CCDC146: variants seen among roughly 807,000 people sequenced by gnomAD.
CCDC146 encodes the protein coiled-coil domain containing 146, also known as coiled-coil domain-containing protein 146.
CCDC146 carries 92 observed loss-of-function variants against 119.3 expected under a neutral mutation model. The observed-to-expected ratio is 0.77, with a 90% CI of 0.65 to 0.92. The LOEUF is 0.92. Among genes scored for constraint, CCDC146 ranks in the 40% least tolerant of loss-of-function variants. The probability of loss-of-function intolerance (pLI) is 0.00; values close to 1 mark genes in which losing one functional copy is unlikely to be tolerated. For synonymous variants in CCDC146, 372 were observed against 371.8 expected (o/e 1.00, Z -0.01); for missense variants, 1,000 against 1,103.0 (o/e 0.91, Z 1.32).
intron 4 of CCDC146, among the ~76,000 whole-genome samples, chr7:77,242,675 G>A (rs1792872287): frequency 6.6e-6 from 1 of 152,278 alleles, no homozygotes; most frequent in Non-Finnish European, 1.5e-5. Flanking sequence ...CCTGGGTACA[G>A]GAGAGAAAGC....
intron 2 of CCDC146, among the ~76,000 whole-genome samples, chr7:77,170,817 G>T (rs528510224): frequency 6.6e-6 from 1 of 152,274 alleles, no homozygotes; most frequent in African/African-American, 2.4e-5. Flanking sequence ...AGGAAAAAGT[G>T]CTCAGCATCA....
intron 15 of CCDC146, among the ~76,000 whole-genome samples, chr7:77,285,597 G>A (rs1411151101): frequency 6.6e-6 from 1 of 152,108 alleles, no homozygotes. Flanking sequence ...TGACAAGTGA[G>A]GAAACTAAGG....
intron 9 of CCDC146, among the ~76,000 whole-genome samples, chr7:77,266,382 T>C (rs563923654): frequency 6.6e-6 from 1 of 152,336 alleles, no homozygotes; most frequent in Admixed American, 6.5e-5. Flanking sequence ...GAGAAGAGCT[T>C]CACCTTTGAG....
intron 2 of CCDC146, among the ~76,000 whole-genome samples, chr7:77,214,399 TTGTC>T (rs545438224): frequency 2.2e-4 from 33 of 152,218 alleles, no homozygotes; most frequent in Non-Finnish European, 4.0e-4. Flanking sequence ...ATTCTGTAGA[TTGTC>T]TGTTTGCTCC....
chr7:77,224,659 A>G (rs1305406816), intron 2 of CCDC146, among the ~76,000 whole-genome samples: 1 of 152,206 alleles, frequency 6.6e-6, no homozygotes, highest in African/African-American at 2.4e-5. Flanking sequence ...CATGGGAGAT[A>G]GAGGGAGGAG....
intron 1 of CCDC146, among the ~76,000 whole-genome samples, chr7:77,161,280 T>C (rs914859472): frequency 2.6e-4 from 39 of 152,280 alleles, no homozygotes; most frequent in African/African-American, 9.1e-4. Flanking sequence ...AGCCATCCCA[T>C]TACTGGGTAT....
In CCDC146 at chr7:77,254,522, A is replaced by G. The variant is rs757452562; in HGVS notation, c.466A>G (p.Ile156Val). ...YRLNSLKEEKIIIVKEFEKIT... is the reference protein window; with the variant it reads ...YRLNSLKEEKVIIVKEFEKIT... Reference sequence around the variant, plus strand: ...TTTTTGCAGCTTAAAGGAAGAAAAAATCATCATAGTAAAAGAATTTGAGAA... The same window carrying G: ...TTTTTGCAGCTTAAAGGAAGAAAAAGTCATCATAGTAAAAGAATTTGAGAA... The change falls in exon 5 of 19, where the codon ATC becomes GTC. Residue 156 changes from isoleucine (I) to valine (V), a missense_variant. Transcript: ENST00000285871. 10 of 1,548,288 alleles carry G rather than the reference A, an allele frequency of 6.5e-6. No homozygotes were observed. Among genetic ancestry groups the G allele is most frequent in the Admixed American group, 3.4e-5 (2 of 58,242 alleles).
At chr7:77,257,531 C>T (rs1166204779) in intron 6 of CCDC146, among the ~76,000 whole-genome samples, 3 of 152,168 alleles carry the variant, frequency 2.0e-5, no homozygotes, top group African/African-American at 4.8e-5. Flanking sequence ...TCAGGCCCCT[C>T]ACTTGCATGA....
intron 1 of CCDC146, among the ~76,000 whole-genome samples, chr7:77,152,679 ACAC>A (rs1473238416): frequency 1.1e-4 from 16 of 152,194 alleles, no homozygotes; most frequent in African/African-American, 3.6e-4. Context: ...TAAGGCTCTC[ACAC>A]CAAAGCCTAA....
At chr7:77,275,893 A>G (rs1793624779) in intron 11 of CCDC146, among the ~76,000 whole-genome samples, 1 of 152,156 alleles carries the variant, frequency 6.6e-6, no homozygotes, top group Non-Finnish European at 1.5e-5. Context: ...TAAACAGGAT[A>G]TTACATATTA....
At chr7:77,198,853 A>G (rs1470283677) in intron 2 of CCDC146, 2 of 361,316 alleles carry the variant, frequency 5.5e-6, no homozygotes, top group African/African-American at 2.1e-5. Flanking sequence ...TATTGTTTTC[A>G]AACACCTCAT....
intron 2 of CCDC146, among the ~76,000 whole-genome samples, chr7:77,209,041 C>T (rs1198237974): frequency 1.3e-5 from 2 of 152,154 alleles, no homozygotes. Flanking sequence ...CCTCCCAAAT[C>T]TCATGTCTTT....
intron 2 of CCDC146, among the ~76,000 whole-genome samples, chr7:77,200,254 T>C (rs1275380739): frequency 6.6e-6 from 1 of 152,192 alleles, no homozygotes; most frequent in Non-Finnish European, 1.5e-5. Flanking sequence ...GAATGGGGCA[T>C]TGGGGAGCCT....
chr7:77,219,087 G>T (rs189287772), intron 2 of CCDC146, among the ~76,000 whole-genome samples: 64 of 152,178 alleles, frequency 4.2e-4, no homozygotes, highest in African/African-American at 1.5e-3. Flanking sequence ...TATAGAAATT[G>T]TTTATATATC....
At chr7:77,292,461 A>G (rs1793965053) in intron 17 of CCDC146, among the ~76,000 whole-genome samples, 1 of 151,232 alleles carries the variant, frequency 6.6e-6, no homozygotes, top group Non-Finnish European at 1.5e-5. Context: ...TAAAAATACA[A>G]AAAAAATTAG....
intron 1 of CCDC146, among the ~76,000 whole-genome samples, chr7:77,161,362 C>T (rs1006582468): frequency 6.6e-6 from 1 of 151,706 alleles, no homozygotes; most frequent in Admixed American, 6.6e-5. Context: ...GCATTATTCA[C>T]AATAACAAAG....
intron 9 of CCDC146, among the ~76,000 whole-genome samples, chr7:77,263,183 T>A (rs1227536100): frequency 6.6e-6 from 1 of 152,234 alleles, no homozygotes; most frequent in Non-Finnish European, 1.5e-5. Flanking sequence ...ATAGAAAGTT[T>A]ATACTTCCTT....
intron 2 of CCDC146, among the ~76,000 whole-genome samples, chr7:77,231,115 G>C (rs777893982): frequency 2.0e-5 from 3 of 152,098 alleles, no homozygotes; most frequent in Non-Finnish European, 4.4e-5. Flanking sequence ...TCATCCCTTT[G>C]TCCAGCATGT....
chr7:77,162,567 A>G (rs1409714168), intron 1 of CCDC146, among the ~76,000 whole-genome samples: 1 of 152,180 alleles, frequency 6.6e-6, no homozygotes, highest in Non-Finnish European at 1.5e-5. Flanking sequence ...AAATCAGAAC[A>G]TGTGATTTTT....
Sources: gnomAD v4.1 joint callset for allele counts (sites outside exome capture counted in the v4.1 genomes callset) on GRCh38, gnomAD v4.1.1 for gene constraint, MANE v1.5 for transcripts, NCBI Gene and HGNC (gene_info 2026-07-23, HGNC 2026-07-21) for gene names.